The following ECT2L variants were observed in gnomAD, a reference collection of about 807,000 sequenced individuals.
The protein encoded by ECT2L is epithelial cell transforming 2 like.
Under a neutral mutation model 122.8 loss-of-function variants are expected in ECT2L, and 126 were observed. The ratio of observed to expected loss-of-function variants is 1.03; its 90% CI spans 0.89 to 1.19. ECT2L has a LOEUF of 1.19. ECT2L is among the 50% of genes most tolerant of loss of function. The probability of loss-of-function intolerance (pLI) is 0.00; values close to 1 mark genes in which losing one functional copy is unlikely to be tolerated. For synonymous variants in ECT2L, 385 were observed against 381.8 expected (o/e 1.01, Z -0.10); for missense variants, 1,012 against 1,064.1 (o/e 0.95, Z 0.68).
chr6:138,886,176 T>G (rs1668497707), intron 18 of ECT2L, among the ~76,000 whole-genome samples: 1 of 151,956 alleles, frequency 6.6e-6, no homozygotes, highest in South Asian at 2.1e-4. Context: ...ATGCATTAAT[T>G]AGCTTTCCTG....
intron 9 of ECT2L, 47 bp from the exon 10 acceptor site, chr6:138,853,979 A>G: frequency 6.3e-7 from 1 of 1,579,180 alleles, no homozygotes; most frequent in Non-Finnish European, 8.6e-7. Flanking sequence ...ATTTCTGTTC[A>G]GTATTATGTT....
chr6:138,874,704 A>G (rs1302963106), intron 13 of ECT2L, among the ~76,000 whole-genome samples: 1 of 152,112 alleles, frequency 6.6e-6, no homozygotes, highest in Non-Finnish European at 1.5e-5. Context: ...GATCCACAAT[A>G]CAATTGTGTG....
chr6:138,884,812 T>G (rs559277513), intron 16 of ECT2L, among the ~76,000 whole-genome samples: 2 of 151,798 alleles, frequency 1.3e-5, no homozygotes, highest in South Asian at 2.1e-4. Flanking sequence ...GATAGGATTG[T>G]TTTTTTTCCA....
At chr6:138,806,169 A>C (rs115707607) in intron 1 of ECT2L, among the ~76,000 whole-genome samples, 2,114 of 152,322 alleles carry the variant, frequency 0.014, 53 homozygotes, top group African/African-American at 0.048. Context: ...TGAGCTCAAA[A>C]GACACATTAT....
chr6:138,899,765 T>C (rs978839960), intron 20 of ECT2L, among the ~76,000 whole-genome samples: 1 of 149,918 alleles, frequency 6.7e-6, no homozygotes, highest in Non-Finnish European at 1.5e-5. Context: ...AAAACAATTA[T>C]GCTCTATTAA....
At chr6:138,872,459 G>GA (rs1167061194) in intron 13 of ECT2L, among the ~76,000 whole-genome samples, 2 of 152,198 alleles carry the variant, frequency 1.3e-5, no homozygotes, top group African/African-American at 4.8e-5. Context: ...GCTGGGATGG[G>GA]AACCCCAGGG....
chr6:138,804,675 C>T (rs551600510), intron 1 of ECT2L, among the ~76,000 whole-genome samples: 1 of 152,224 alleles, frequency 6.6e-6, no homozygotes, highest in Non-Finnish European at 1.5e-5. Context: ...GGGAGTTAAT[C>T]TCTTCACTCT....
At chr6:138,879,711 T>C (rs879703832) in intron 14 of ECT2L, among the ~76,000 whole-genome samples, 5 of 152,108 alleles carry the variant, frequency 3.3e-5, no homozygotes, top group African/African-American at 4.8e-5. Context: ...TCCCAGCACT[T>C]TGGGAGGCTG....
At chr6:138,831,189 G>A (rs1252069355) in intron 4 of ECT2L, among the ~76,000 whole-genome samples, 2 of 152,062 alleles carry the variant, frequency 1.3e-5, no homozygotes, top group East Asian at 1.9e-4. Flanking sequence ...ACCAGCTTAG[G>A]CCAACCTACC....
chr6:138,848,982 T>C (rs762684277), intron 8 of ECT2L, among the ~76,000 whole-genome samples: 3 of 152,206 alleles, frequency 2.0e-5, no homozygotes, highest in Admixed American at 6.5e-5. Flanking sequence ...GTTATTTATA[T>C]GTCTTTGTGC....
chr6:138,896,172 C>A (rs895810228), intron 20 of ECT2L, among the ~76,000 whole-genome samples: 1 of 148,762 alleles, frequency 6.7e-6, no homozygotes, highest in African/African-American at 2.5e-5. Context: ...CTCAGATGAT[C>A]CTCCCAACTC....
intron 4 of ECT2L, among the ~76,000 whole-genome samples, chr6:138,831,368 T>C (rs1168605813): frequency 6.6e-6 from 1 of 152,234 alleles, no homozygotes; most frequent in Non-Finnish European, 1.5e-5. Context: ...ACCTTTAACA[T>C]GGCATCCAAG....
chr6:138,814,510 C>T lies in ECT2L; in HGVS notation c.86C>T (p.Ala29Val). 1 of 1,609,380 alleles carries T rather than the reference C, an allele frequency of 6.2e-7. No individual in the cohort carries two copies. Among genetic ancestry groups the T allele is most frequent in the Non-Finnish European group, 8.5e-7 (1 of 1,176,716 alleles). Reference sequence around the variant, plus strand: ...TTATAGCTCTTTCAGGAAAGAGTGGCTCTTATAAGTCATTGGTTTGACCTC... The same window carrying T: ...TTATAGCTCTTTCAGGAAAGAGTGGTTCTTATAAGTCATTGGTTTGACCTC... ...LNRQLFQERV[A>V]LISHWFDLWT... Residue 29 changes from alanine (A) to valine (V), a missense_variant, in exon 4 of 22, where the codon GCT becomes GTT. Coordinates refer to ENST00000541398, the MANE Select transcript of ECT2L (RefSeq NM_001077706.3).
At chr6:138,855,189 T>C in intron 10 of ECT2L, among the ~76,000 whole-genome samples, 1 of 151,974 alleles carries the variant, frequency 6.6e-6, no homozygotes. Context: ...TATACATATA[T>C]ATATTTATTA....
intron 20 of ECT2L, among the ~76,000 whole-genome samples, chr6:138,898,764 T>C (rs1277210458): frequency 1.3e-5 from 2 of 152,300 alleles, no homozygotes; most frequent in Admixed American, 1.3e-4. Flanking sequence ...TGGAGGTCTT[T>C]GATAAAAATA....
intron 4 of ECT2L, among the ~76,000 whole-genome samples, chr6:138,816,230 T>G (rs948717585): frequency 2.6e-5 from 4 of 152,244 alleles, no homozygotes; most frequent in African/African-American, 9.6e-5. Flanking sequence ...ATTTTAGTTG[T>G]GACCACTGGA....
intron 4 of ECT2L, among the ~76,000 whole-genome samples, chr6:138,826,824 T>C (rs767210964): frequency 2.0e-5 from 3 of 152,070 alleles, no homozygotes; most frequent in Non-Finnish European, 4.4e-5. Context: ...TTCGTGATAG[T>C]GAGTTCCTGA....
intron 1 of ECT2L, among the ~76,000 whole-genome samples, chr6:138,812,364 G>A (rs1285798545): frequency 6.6e-6 from 1 of 152,232 alleles, no homozygotes; most frequent in Non-Finnish European, 1.5e-5. Context: ...TGAAATAAGT[G>A]TTTGTTGTTT....
At chr6:138,826,766 G>T (rs1291206685) in intron 4 of ECT2L, among the ~76,000 whole-genome samples, 4 of 152,162 alleles carry the variant, frequency 2.6e-5, no homozygotes, top group African/African-American at 9.7e-5. Flanking sequence ...GATCTGGCGG[G>T]AGGTGTTTGG....
Sources: gnomAD v4.1 joint callset for allele counts (sites outside exome capture counted in the v4.1 genomes callset) on GRCh38, gnomAD v4.1.1 for gene constraint, MANE v1.5 for transcripts, NCBI Gene and HGNC (gene_info 2026-07-23, HGNC 2026-07-21) for gene names.